Variants in ZFP2 observed in about 807,000 individuals in gnomAD.
ZFP2 encodes the protein zinc finger protein ZFP2.
In ZFP2, 33 loss-of-function variants were observed where a neutral mutation model predicts 36.1. The ratio of observed to expected loss-of-function variants is 0.92; its 90% CI spans 0.69 to 1.22. The LOEUF is 1.22. Ranked by LOEUF, ZFP2 falls within the 50% of genes most tolerant of loss-of-function variation. ZFP2 has a pLI of 0.00. For synonymous variants in ZFP2, 170 were observed against 178.0 expected (o/e 0.96, Z 0.36); for missense variants, 522 against 551.4 (o/e 0.95, Z 0.53).
chr5:178,901,140 T>C (rs1428026380), intron 1 of ZFP2, among the ~76,000 whole-genome samples: 2 of 150,354 alleles, frequency 1.3e-5, no homozygotes, highest in Non-Finnish European at 3.0e-5. Flanking sequence ...CATTCATGTA[T>C]GAGTCTTTTT....
At chr5:178,911,572 C>T (rs6873993) in intron 1 of ZFP2, among the ~76,000 whole-genome samples, 55,030 of 151,898 alleles carry the variant, frequency 0.36, 10,184 homozygotes, top group East Asian at 0.5. Context: ...ATAACTGTTA[C>T]GTTATTAGTA....
At position 178,896,259 on chromosome 5, in the gene ZFP2, A is replaced by G. The variant is rs563293662; in HGVS notation, c.-450+285A>G. ...CGCCGAGGTGGAATCACAGCCCCGG[A>G]GCAGCGGGGATGGGGGCTCGAACAA... On this transcript the variant is annotated intron_variant, in intron 1 of 4. Transcript: ENST00000361362. Among the ~76,000 whole-genome samples the G allele has an allele frequency of 1.7e-4, 26 of 152,266 alleles. No individual in the cohort carries two copies. The South Asian group carries it at 5.4e-3, about 32-fold the overall frequency.
chr5:178,912,065 G>A (rs1448680744), intron 1 of ZFP2, among the ~76,000 whole-genome samples: 6 of 152,168 alleles, frequency 3.9e-5, no homozygotes, highest in African/African-American at 1.2e-4. Context: ...TCCAGGAAGT[G>A]GAGGTTGCAG....
chr5:178,917,609 C>T (rs1269908150), intron 4 of ZFP2, among the ~76,000 whole-genome samples: 6 of 149,696 alleles, frequency 4.0e-5, no homozygotes, highest in African/African-American at 1.5e-4. Context: ...AGCAAGACTC[C>T]ATCTCAAAAA....
chr5:178,920,638 A>G (rs1464660054), intron 4 of ZFP2, among the ~76,000 whole-genome samples: 5 of 148,690 alleles, frequency 3.4e-5, no homozygotes, highest in African/African-American at 1.2e-4. Flanking sequence ...CTTCGTCTCA[A>G]AAAAAAAAAA....
chr5:178,907,621 G>GATAAATAAATAAATAAATAAATAA (rs10687726), intron 1 of ZFP2, among the ~76,000 whole-genome samples: 3 of 150,070 alleles, frequency 2.0e-5, no homozygotes, highest in African/African-American at 7.4e-5. Context: ...TATTCAAAGA[G>GATAAATAAATAAATAAATAAATAA]ATAAATAAAT....
chr5:178,931,204 C>G lies in ZFP2; in HGVS notation c.-77-33C>G, dbSNP rs1370536868. The G allele has an allele frequency of 2.0e-6, 3 of 1,495,434 alleles. No homozygotes were observed. The African/African-American group carries it at 4.2e-5, about 21-fold the overall frequency. 92.6% of individuals were successfully genotyped at this position (1,495,434 alleles called of 1,614,324 possible). On this transcript the variant is annotated intron_variant, in intron 4 of 4. Coordinates refer to ENST00000361362, the MANE Select transcript of ZFP2 (RefSeq NM_030613.4). ...AGTTTCCAGTCTCCTAGCACAGAAA[C>G]CAATGTGCATTTGAATTTTTTTTTT...
chr5:178,912,429 T>C (rs980125338), intron 1 of ZFP2, among the ~76,000 whole-genome samples, 155 bp from the exon 2 acceptor site: 1 of 152,198 alleles, frequency 6.6e-6, no homozygotes, highest in Admixed American at 6.5e-5. Flanking sequence ...TTTTATATTA[T>C]GTCTCTGGTT....
chr5:178,930,166 C>T (rs1343585281), intron 4 of ZFP2, among the ~76,000 whole-genome samples: 1 of 151,872 alleles, frequency 6.6e-6, no homozygotes, highest in Non-Finnish European at 1.5e-5. Context: ...TAAGGCCCCA[C>T]CTCCAACACT....
rs376773483 is a variant in ZFP2, at chr5:178,905,195, C to T, written c.-449-7389C>T. 7.9e-5 allele frequency among the ~76,000 whole-genome samples: 12 copies of T among 152,238 alleles called. No individual in the cohort carries two copies. The South Asian group carries it at 1.0e-3, about 13-fold the overall frequency. ...AGTTTGAGGAAGATTGCCATCTTTA[C>T]GATGTTTATTCTTCATATTAAGTAA... On this transcript the variant is annotated intron_variant, in intron 1 of 4. Transcript: ENST00000361362.
At chr5:178,897,464 A>G (rs1044921405) in intron 1 of ZFP2, among the ~76,000 whole-genome samples, 28 of 152,222 alleles carry the variant, frequency 1.8e-4, no homozygotes, top group African/African-American at 6.8e-4. Context: ...GGTGTTTGAC[A>G]TCACTGGCAG....
intron 3 of ZFP2, among the ~76,000 whole-genome samples, 164 bp downstream of exon 3, chr5:178,913,235 A>G (rs1758334315): frequency 6.6e-6 from 1 of 152,204 alleles, no homozygotes; most frequent in Non-Finnish European, 1.5e-5. Flanking sequence ...CACTTATGTC[A>G]TCTTGCAGGG....
intron 4 of ZFP2, among the ~76,000 whole-genome samples, chr5:178,926,733 T>C (rs1452385387): frequency 6.6e-6 from 1 of 152,148 alleles, no homozygotes; most frequent in East Asian, 1.9e-4. Context: ...TTAGCCAGGA[T>C]GGTCTAGATC....
At chr5:178,906,740 T>G (rs1427072237) in intron 1 of ZFP2, among the ~76,000 whole-genome samples, 1 of 152,032 alleles carries the variant, frequency 6.6e-6, no homozygotes, top group Admixed American at 6.6e-5. Flanking sequence ...GTATTTTTAG[T>G]AGAGATGGGG....
At chr5:178,899,499 T>C (rs925504832) in intron 1 of ZFP2, among the ~76,000 whole-genome samples, 3 of 151,960 alleles carry the variant, frequency 2.0e-5, no homozygotes, top group African/African-American at 7.2e-5. Context: ...GGGCAGTGAC[T>C]GATAGTGAGA....
At chr5:178,929,632 C>T (rs1186171491) in intron 4 of ZFP2, among the ~76,000 whole-genome samples, 1 of 152,192 alleles carries the variant, frequency 6.6e-6, no homozygotes, top group African/African-American at 2.4e-5. Flanking sequence ...GTCCATATCA[C>T]TATCAGCATT....
intron 4 of ZFP2, among the ~76,000 whole-genome samples, chr5:178,916,941 T>C (rs756354264): frequency 5.3e-5 from 8 of 152,264 alleles, no homozygotes; most frequent in East Asian, 3.8e-4. Context: ...TTCTTTTCTC[T>C]GTACTAAAGC....
At chr5:178,917,122 C>T (rs916836349) in intron 4 of ZFP2, among the ~76,000 whole-genome samples, 1 of 152,126 alleles carries the variant, frequency 6.6e-6, no homozygotes, top group Non-Finnish European at 1.5e-5. Context: ...CTTTTAGCCT[C>T]TCATCAATAG....
intron 4 of ZFP2, among the ~76,000 whole-genome samples, chr5:178,930,168 T>TC (rs1758796127): frequency 6.6e-6 from 1 of 151,778 alleles, no homozygotes; most frequent in African/African-American, 2.4e-5. Flanking sequence ...AGGCCCCACC[T>TC]CCAACACTGG....
Sources: allele counts gnomAD v4.1 joint callset (sites outside exome capture counted in the v4.1 genomes callset), GRCh38; gene constraint gnomAD v4.1.1; transcripts MANE v1.5; gene names NCBI Gene and HGNC (gene_info 2026-07-23, HGNC 2026-07-21).